MANBA: variants seen among roughly 807,000 people sequenced by gnomAD.
MANBA encodes the protein beta-mannosidase.
MANBA carries 83 observed loss-of-function variants against 111.1 expected under a neutral mutation model. The ratio of observed to expected loss-of-function variants is 0.75; its 90% CI spans 0.63 to 0.90. The LOEUF (loss-of-function observed/expected upper bound fraction) is 0.90. Among genes scored for constraint, MANBA ranks in the 40% least tolerant of loss-of-function variants. The pLI is 0.00. For missense variants in MANBA, 1,036 were observed against 1,069.0 expected (o/e 0.97, Z 0.43); for synonymous variants, 370 against 378.7 (o/e 0.98, Z 0.27).
chr4:102,724,495 G>A (rs1722716656), intron 2 of MANBA, among the ~76,000 whole-genome samples: 1 of 150,828 alleles, frequency 6.6e-6, no homozygotes, highest in South Asian at 2.1e-4. Context: ...GGAGGCGGAG[G>A]TTGCAGTGAG....
intron 10 of MANBA, chr4:102,666,777 C>T (rs181329697): frequency 3.3e-5 from 5 of 152,276 alleles, no homozygotes; most frequent in Admixed American, 3.3e-4. Flanking sequence ...AACACAGTTA[C>T]AGAAAACAAA....
At chr4:102,664,125 A>C (rs1018265403) in intron 11 of MANBA, among the ~76,000 whole-genome samples, 5 of 152,228 alleles carry the variant, frequency 3.3e-5, no homozygotes, top group Non-Finnish European at 4.4e-5. Flanking sequence ...ATGGACTCCA[A>C]GGAGCATGTG....
At chr4:102,701,276 T>C (rs1733026535) in intron 5 of MANBA, among the ~76,000 whole-genome samples, 1 of 152,058 alleles carries the variant, frequency 6.6e-6, no homozygotes. Flanking sequence ...ATGGGTTTCC[T>C]GAATACAGCA....
In MANBA at chr4:102,701,093, T is replaced by G. The variant is rs528788568; in HGVS notation, c.674-10322A>C. On this transcript the variant is annotated intron_variant, in intron 5 of 16. Coordinates refer to ENST00000647097, the MANE Select transcript of MANBA (RefSeq NM_005908.4). ...GATAGTTAGCTCTTCTTGTGGAATTTATCCCTTTACCATTATGTAATGGCC... is the reference window on the plus strand; with the variant it reads ...GATAGTTAGCTCTTCTTGTGGAATTGATCCCTTTACCATTATGTAATGGCC... Among the ~76,000 whole-genome samples the G allele has an allele frequency of 9.9e-5, 15 of 152,276 alleles. No individual in the cohort carries two copies. In the East Asian group the frequency reaches 1.7e-3, roughly 18 times the overall value.
rs1166509387 is a variant in MANBA at position 102,669,007 on chromosome 4, C to T, written c.1273G>A (p.Asp425Asn). ...GTCACTGAATCCAGGAAGCCCTGAT[C>T]AGTTGGATAAAGGGCACAGGCAAAC... is the stretch of plus-strand genomic sequence containing the variant. Reference protein sequence around the residue: ...FMFACALYPTDQGFLDSVTAE... With the variant: ...FMFACALYPTNQGFLDSVTAE... The change falls in exon 10 of 17, where the codon GAT (aspartate) becomes AAT (asparagine). Residue 425 changes from aspartate to asparagine, a missense_variant. Asp to Asn is a conservative substitution (Grantham distance 23). Transcript: ENST00000647097. 6.2e-7 allele frequency: 1 copy of T among 1,613,810 alleles called. No individual in the cohort carries two copies. The highest frequency in any genetic ancestry group is 1.7e-5 in the Admixed American group (1 of 59,984).
rs1722957159 is a variant in MANBA at position 102,729,708 on chromosome 4, C to T, written c.178-3025G>A. ...CGCCTCCAGCTTCAGCTTCTCCTGG[C>T]CCAGAGTCTTCAGCTGCTGCCTAAG... is the stretch of plus-strand genomic sequence containing the variant. On this transcript the variant is annotated intron_variant, in intron 1 of 16. Coordinates refer to ENST00000647097, the MANE Select transcript of MANBA (RefSeq NM_005908.4). The T allele has an allele frequency of 9.0e-6, 14 of 1,547,436 alleles. No individual in the cohort carries two copies. In the South Asian group the frequency reaches 1.6e-4, roughly 17 times the overall value.
chr4:102,747,879 C>T (rs1723644357), intron 1 of MANBA, among the ~76,000 whole-genome samples: 3 of 152,150 alleles, frequency 2.0e-5, no homozygotes. Flanking sequence ...ACTACAAGTC[C>T]CAGGCATTAT....
At chr4:102,748,361 T>G (rs183365375) in intron 1 of MANBA, among the ~76,000 whole-genome samples, 14 of 152,326 alleles carry the variant, frequency 9.2e-5, no homozygotes, top group Admixed American at 9.1e-4. Flanking sequence ...AGCTATCTTT[T>G]CTATTACATG....
At chr4:102,760,089 T>TACAC (rs35109830) in intron 1 of MANBA, among the ~76,000 whole-genome samples, 3,072 of 149,808 alleles carry the variant, frequency 0.021, 45 homozygotes, top group African/African-American at 0.043. Context: ...TCCATTGGGA[T>TACAC]ACACACACAC....
At chr4:102,695,242 G>T (rs2110248857) in intron 5 of MANBA, among the ~76,000 whole-genome samples, 1 of 151,872 alleles carries the variant, frequency 6.6e-6, no homozygotes, top group East Asian at 1.9e-4. Context: ...CCTTTATTAA[G>T]ATGTAGTTGG....
intron 8 of MANBA, 147 bp from the exon 9 acceptor site, chr4:102,671,545 T>A: frequency 1.5e-6 from 1 of 654,358 alleles, no homozygotes; most frequent in South Asian, 1.8e-5. Flanking sequence ...TAAGATAAAA[T>A]TATATACACA....
At chr4:102,704,325 A>G (rs1733197943) in intron 5 of MANBA, among the ~76,000 whole-genome samples, 1 of 152,104 alleles carries the variant, frequency 6.6e-6, no homozygotes, top group African/African-American at 2.4e-5. Context: ...CTACAGGCAT[A>G]TACCACCACA....
intron 7 of MANBA, among the ~76,000 whole-genome samples, chr4:102,675,328 T>C (rs1731678073): frequency 6.6e-6 from 1 of 152,216 alleles, no homozygotes; most frequent in Non-Finnish European, 1.5e-5. Context: ...GCCTACTTCA[T>C]CACTCTGACA....
chr4:102,714,662 G>T, intron 4 of MANBA, 101 bp from the exon 5 acceptor site: 4 of 1,146,748 alleles, frequency 3.5e-6, no homozygotes, highest in Non-Finnish European at 2.6e-6. Flanking sequence ...GTGTATATAA[G>T]TTTGCTATGG....
chr4:102,746,588 CA>C (rs1464859778), intron 1 of MANBA, among the ~76,000 whole-genome samples: 6 of 152,238 alleles, frequency 3.9e-5, no homozygotes, highest in Admixed American at 2.0e-4. Context: ...CTCTCACGAG[CA>C]GTGAATCAGG....
At position 102,719,744 on chromosome 4, in the gene MANBA, A is replaced by G. The variant is rs1234263701; in HGVS notation, c.549+3127T>C. The stretch of plus-strand genomic sequence containing the variant: ...CAGGGATTAGCTCCATGTACAAATG[A>G]CGGGCATACCTCAAGTTATTCTATG... On this transcript the variant is annotated intron_variant, in intron 4 of 16. Coordinates refer to ENST00000647097, the MANE Select transcript of MANBA (RefSeq NM_005908.4). Among the ~76,000 whole-genome samples the G allele has an allele frequency of 4.6e-5, 7 of 152,342 alleles. No homozygotes were observed. In the East Asian group the frequency reaches 1.3e-3, roughly 29 times the overall value.
In MANBA at chr4:102,727,595, T is replaced by C. The variant is rs191972134; in HGVS notation, c.178-912A>G. The C allele has an allele frequency of 1.1e-3, 1,834 of 1,604,822 alleles. 30 individuals are homozygous for C. The highest frequency in any genetic ancestry group is 1.8e-4 in the Middle Eastern group (1 of 5,588). On this transcript the variant is annotated intron_variant, in intron 1 of 16. Transcript: ENST00000647097. The stretch of plus-strand genomic sequence containing the variant: ...GAGAGCAATGGGTAATTGAAGCTTT[T>C]GGGCTCGGGAGACAGGCCAGTGCCC...
chr4:102,757,018 T>C (rs1724050461), intron 1 of MANBA, among the ~76,000 whole-genome samples: 1 of 152,132 alleles, frequency 6.6e-6, no homozygotes, highest in Non-Finnish European at 1.5e-5. Context: ...CTAATGCCTA[T>C]TACACTGTGT....
At chr4:102,643,457 T>A (rs1211780291) in intron 13 of MANBA, among the ~76,000 whole-genome samples, 1 of 152,194 alleles carries the variant, frequency 6.6e-6, no homozygotes, top group Non-Finnish European at 1.5e-5. Flanking sequence ...TATGTCTAAC[T>A]TTTTAAGGAA....
Sources: gnomAD v4.1 joint callset for allele counts (sites outside exome capture counted in the v4.1 genomes callset) on GRCh38, gnomAD v4.1.1 for gene constraint, MANE v1.5 for transcripts, NCBI Gene and HGNC (gene_info 2026-07-23, HGNC 2026-07-21) for gene names.